The following FAM107B variants were observed in gnomAD, a reference collection of about 807,000 sequenced individuals.
FAM107B encodes family with sequence similarity 107 member B.
A neutral mutation model predicts 31.5 loss-of-function variants in FAM107B; 21 were observed. That is an observed-to-expected ratio of 0.67 (90% confidence interval 0.47 to 0.96). The LOEUF is 0.96. FAM107B is among the 40% of genes least tolerant of loss of function. The pLI is 0.00. For synonymous variants in FAM107B, 157 were observed against 141.5 expected (o/e 1.11, Z -0.78); for missense variants, 452 against 377.1 (o/e 1.20, Z -1.64).
intron 2 of FAM107B, among the ~76,000 whole-genome samples, chr10:14,650,968 G>A (rs1443065745): frequency 6.6e-6 from 1 of 152,174 alleles, no homozygotes; most frequent in African/African-American, 2.4e-5. Flanking sequence ...ACATCCCAGA[G>A]TTCCCCAGTA....
At chr10:14,606,670 G>C (rs1256705584) in intron 2 of FAM107B, among the ~76,000 whole-genome samples, 1 of 151,990 alleles carries the variant, frequency 6.6e-6, no homozygotes, top group Non-Finnish European at 1.5e-5. Context: ...AGAGACACCA[G>C]ATCCCTCCTT....
intron 1 of FAM107B, among the ~76,000 whole-genome samples, chr10:14,747,378 T>G (rs1272972498): frequency 6.6e-6 from 1 of 152,172 alleles, no homozygotes; most frequent in Non-Finnish European, 1.5e-5. Flanking sequence ...GCACTCTCAT[T>G]TTTGAGTTTT....
Position 14,726,969 on chromosome 10 carries a change from C to A in FAM107B, c.411+47284G>T, listed in dbSNP as rs148844136. On this transcript the variant is annotated intron_variant, in intron 1 of 4. Transcript: ENST00000181796. ...ACAGTGGGAACCCTGAGCTTGTTTT[C>A]CTGCAACTAGATGGTCCCATTTGGG... Among the ~76,000 whole-genome samples, 522 of 152,084 alleles carry A rather than the reference C, an allele frequency of 3.4e-3. 12 individuals carry two copies. The East Asian group carries it at 0.045, about 13-fold the overall frequency.
At chr10:14,576,414 C>T (rs931240442) in intron 2 of FAM107B, among the ~76,000 whole-genome samples, 3 of 152,224 alleles carry the variant, frequency 2.0e-5, no homozygotes, top group African/African-American at 7.2e-5. Context: ...GTCATCCCAG[C>T]TATTCAGAAG....
intron 2 of FAM107B, among the ~76,000 whole-genome samples, chr10:14,588,965 T>C (rs2131333142): frequency 6.6e-6 from 1 of 151,978 alleles, no homozygotes; most frequent in East Asian, 1.9e-4. Context: ...GCAGATCACT[T>C]GAGGTCAGGA....
rs10651238 is a variant in FAM107B, at chr10:14,772,362, A to AAAAAAAATATATATATAT, written c.411+1890_411+1891insATATATATATATTTTTTT. On this transcript the variant is annotated intron_variant, in intron 1 of 4. Transcript: ENST00000181796. ...GAGCAAGACTCCATCTTAAAAAAAA[A>AAAAAAAATATATATATAT]ATATATATATATATATATGCACCTC... 1.0e-3 allele frequency among the ~76,000 whole-genome samples: 151 copies of AAAAAAAATATATATATAT among 145,612 alleles called. 2 individuals are homozygous for AAAAAAAATATATATATAT. The highest frequency in any genetic ancestry group is 3.7e-3 in the African/African-American group (140 of 38,344).
At chr10:14,620,131 G>A (rs1852970069) in intron 2 of FAM107B, among the ~76,000 whole-genome samples, 1 of 148,654 alleles carries the variant, frequency 6.7e-6, no homozygotes, top group African/African-American at 2.5e-5. Flanking sequence ...CCATTCTCCT[G>A]CCTCAGCCTC....
chr10:14,647,638 A>T (rs1251826910), intron 2 of FAM107B, among the ~76,000 whole-genome samples: 1 of 150,618 alleles, frequency 6.6e-6, no homozygotes. Flanking sequence ...AGGAGCCAAG[A>T]TCGTGCCATT....
intron 2 of FAM107B, among the ~76,000 whole-genome samples, chr10:14,648,117 C>T (rs1853806346): frequency 2.0e-5 from 3 of 152,002 alleles, no homozygotes; most frequent in African/African-American, 2.4e-5. Context: ...TCAGTCACTT[C>T]GGTATTTTCC....
chr10:14,590,273 T>G (rs1381696490), intron 2 of FAM107B, among the ~76,000 whole-genome samples: 1 of 152,234 alleles, frequency 6.6e-6, no homozygotes, highest in East Asian at 1.9e-4. Context: ...CATCTTTCTT[T>G]TAGGACTTAT....
chr10:14,721,787 C>T (rs1855918367), intron 1 of FAM107B, among the ~76,000 whole-genome samples: 1 of 152,164 alleles, frequency 6.6e-6, no homozygotes, highest in African/African-American at 2.4e-5. Context: ...TTCTCCCATT[C>T]TGTAGGTTGC....
intron 2 of FAM107B, among the ~76,000 whole-genome samples, chr10:14,660,434 C>A (rs142477483): frequency 6.6e-6 from 1 of 152,156 alleles, no homozygotes; most frequent in East Asian, 1.9e-4. Context: ...GCATGGTTGG[C>A]CCATTCATCC....
intron 1 of FAM107B, among the ~76,000 whole-genome samples, chr10:14,732,795 A>G (rs1006207984): frequency 1.4e-5 from 2 of 147,752 alleles, no homozygotes; most frequent in Non-Finnish European, 3.0e-5. Flanking sequence ...AATACATTAT[A>G]GAATACATTA....
chr10:14,701,338 A>G (rs1000065326), intron 1 of FAM107B, among the ~76,000 whole-genome samples: 3 of 151,950 alleles, frequency 2.0e-5, no homozygotes, highest in African/African-American at 7.3e-5. Context: ...TCCACCTCCC[A>G]GGTTCAAGCG....
intron 1 of FAM107B, among the ~76,000 whole-genome samples, chr10:14,671,456 G>A (rs929696155): frequency 2.0e-5 from 3 of 152,148 alleles, no homozygotes; most frequent in Non-Finnish European, 4.4e-5. Context: ...CACAGGAAGA[G>A]GAGGGGCCAG....
chr10:14,719,084 T>C (rs116081849), intron 1 of FAM107B, among the ~76,000 whole-genome samples: 1,980 of 152,276 alleles, frequency 0.013, 45 homozygotes, highest in African/African-American at 0.046. Flanking sequence ...CAAATGCACT[T>C]AGCTAGTGGT....
chr10:14,651,150 C>A (rs181530031), intron 2 of FAM107B, among the ~76,000 whole-genome samples: 1 of 152,328 alleles, frequency 6.6e-6, no homozygotes, highest in East Asian at 1.9e-4. Context: ...CACTTGACAA[C>A]TTTAGCTAGT....
intron 2 of FAM107B, among the ~76,000 whole-genome samples, chr10:14,596,522 A>G (rs1237627019): frequency 6.6e-6 from 1 of 152,144 alleles, no homozygotes; most frequent in Non-Finnish European, 1.5e-5. Context: ...CTGGTCACAT[A>G]TAAGATGATT....
chr10:14,762,544 C>T (rs577740293), intron 1 of FAM107B, among the ~76,000 whole-genome samples: 6 of 152,184 alleles, frequency 3.9e-5, no homozygotes, highest in South Asian at 2.1e-4. Flanking sequence ...CACCTGAGGC[C>T]GGGAGTTCGA....
Sources: gnomAD v4.1 joint callset for allele counts (sites outside exome capture counted in the v4.1 genomes callset) on GRCh38, gnomAD v4.1.1 for gene constraint, MANE v1.5 for transcripts, NCBI Gene and HGNC (gene_info 2026-07-23, HGNC 2026-07-21) for gene names.